The following TENM1 variants were observed in gnomAD, a reference collection of about 807,000 sequenced individuals.
TENM1 encodes teneurin-1.
TENM1 carries 35 observed loss-of-function variants against 174.8 expected under a neutral mutation model. The ratio of observed to expected loss-of-function variants is 0.20; its 90% CI spans 0.15 to 0.27. The LOEUF is 0.27. Ranked by LOEUF, TENM1 falls within the 10% of genes least tolerant of loss-of-function variation. The probability of loss-of-function intolerance (pLI) is 1.00; values close to 1 mark genes in which losing one functional copy is unlikely to be tolerated. For missense variants in TENM1, 1,633 were observed against 2,130.1 expected, an observed-to-expected ratio of 0.77 and a Z score of 4.59; for synonymous variants, 781 against 798.7, an observed-to-expected ratio of 0.98 and a Z score of 0.37.
At chrX:124,761,617 A>C (rs1471362021) in intron 3 of TENM1, among the ~76,000 whole-genome samples, 3 of 109,546 alleles carry the variant, frequency 2.7e-5, no homozygotes, top group South Asian at 4.1e-4. Flanking sequence ...GCGTGCAGCA[A>C]ACCAACATGG....
At chrX:124,487,944 G>T (rs2266903) in intron 20 of TENM1, among the ~76,000 whole-genome samples, 19,655 of 111,487 alleles carry the variant, frequency 0.18, 2,270 homozygotes, top group African/African-American at 0.42. Flanking sequence ...ATCCCTGACA[G>T]CAAAACTGCT....
At chrX:124,953,684 C>T (rs942096849) in intron 1 of TENM1, among the ~76,000 whole-genome samples, 23 of 111,788 alleles carry the variant, frequency 2.1e-4, no homozygotes, top group African/African-American at 6.8e-4. Context: ...AAACCAGTTG[C>T]TTTGTTTCCC....
At chrX:124,499,607 T>C (rs1457011878) in intron 19 of TENM1, among the ~76,000 whole-genome samples, 2 of 111,871 alleles carry the variant, frequency 1.8e-5, no homozygotes, top group African/African-American at 6.5e-5. Context: ...TCTTAAGATT[T>C]AGAATAGTTA....
chrX:125,095,089 C>T, the TENM1 span, among the ~76,000 whole-genome samples: 3 of 111,656 alleles, frequency 2.7e-5, no homozygotes, highest in Non-Finnish European at 5.6e-5. Flanking sequence ...ATAACTTATT[C>T]AAAGTGACTC....
chrX:124,801,994 CCTT>C (rs1398294290), intron 3 of TENM1, among the ~76,000 whole-genome samples: 1 of 111,551 alleles, frequency 9.0e-6, no homozygotes, highest in Non-Finnish European at 1.9e-5. Context: ...GGTGACCTGA[CCTT>C]CTTCTCTGGC....
intron 3 of TENM1, among the ~76,000 whole-genome samples, chrX:124,855,752 A>AT (rs1160352593): frequency 9.0e-6 from 1 of 111,679 alleles, no homozygotes; most frequent in East Asian, 2.8e-4. Context: ...TTTCCTGTCA[A>AT]TTGTACATCT....
chrX:124,404,213 T>C lies in TENM1; in HGVS notation c.5391+818A>G, dbSNP rs73546628. The stretch of plus-strand genomic sequence containing the variant: ...GTGACACAGGTGCTCAAAGCAGATC[T>C]GGCCTCAATAGTGAGTGATTATTTC... On this transcript the variant is annotated intron_variant, in intron 27 of 31. Transcript: ENST00000422452. 7.7e-3 allele frequency among the ~76,000 whole-genome samples: 868 copies of C among 112,034 alleles called. 11 individuals are homozygous for C. The highest frequency in any genetic ancestry group is 0.026 in the African/African-American group (813 of 30,835).
intron 1 of TENM1, among the ~76,000 whole-genome samples, chrX:124,928,871 C>T (rs1038391947): frequency 9.0e-6 from 1 of 111,680 alleles, no homozygotes; most frequent in East Asian, 2.8e-4. Context: ...CATCATCACA[C>T]GTCTCCCATT....
At chrX:125,115,351 T>C in the TENM1 span, among the ~76,000 whole-genome samples, 1 of 111,421 alleles carries the variant, frequency 9.0e-6, no homozygotes, top group Non-Finnish European at 1.9e-5. Flanking sequence ...CCCTCTCTCC[T>C]CACTCCTATT....
the TENM1 span, among the ~76,000 whole-genome samples, chrX:125,152,202 A>G: frequency 9.2e-6 from 1 of 108,637 alleles, no homozygotes; most frequent in Non-Finnish European, 1.9e-5. Flanking sequence ...TTGCAGTGAG[A>G]TTGCACCACT....
At position 124,660,236 on chromosome X, in the gene TENM1, G is replaced by A. The variant is rs553093113; in HGVS notation, c.1169-6453C>T. Among the ~76,000 whole-genome samples the A allele has an allele frequency of 1.1e-4, 12 of 110,001 alleles. No individual in the cohort carries two copies. In the South Asian group the frequency reaches 2.0e-3, roughly 18 times the overall value. On this transcript the variant is annotated intron_variant, in intron 6 of 31. Coordinates refer to ENST00000422452, the Ensembl canonical transcript of TENM1. ...AAAAAATAGAAAAAATTAGCCAGGCGTGGTGGCGGGTGCCTGTAGTCCCAG... is the reference window on the plus strand; with the variant it reads ...AAAAAATAGAAAAAATTAGCCAGGCATGGTGGCGGGTGCCTGTAGTCCCAG...
the TENM1 span, among the ~76,000 whole-genome samples, chrX:125,125,188 A>G: frequency 8.9e-6 from 1 of 111,985 alleles, no homozygotes; most frequent in Admixed American, 9.5e-5. Context: ...CAACAAATAT[A>G]CCACCTTAAA....
In TENM1 at chrX:124,713,424, A is replaced by G. The variant is rs747906508; in HGVS notation, c.777-8173T>C. On this transcript the variant is annotated intron_variant, in intron 4 of 31. Transcript: ENST00000422452. ...GCTGGGATTACAGGCATGTGGCACC[A>G]TGCCCGGCTAATTTTGTATTTTTGG... is the stretch of plus-strand genomic sequence containing the variant. Among the ~76,000 whole-genome samples, 15 of 111,036 alleles carry G rather than the reference A, an allele frequency of 1.4e-4. No homozygotes were observed. The Admixed American group carries it at 1.4e-3, about 11-fold the overall frequency.
At chrX:124,573,698 TCTACAAAATGAATTA>T (rs2148194067) in intron 11 of TENM1, among the ~76,000 whole-genome samples, 1 of 112,090 alleles carries the variant, frequency 8.9e-6, no homozygotes, top group Non-Finnish European at 1.9e-5. Context: ...GAGGGAATCC[TCTACAAAATGAATTA>T]CTACAAATGG....
At chrX:124,691,418 A>G (rs192594169) in intron 5 of TENM1, among the ~76,000 whole-genome samples, 284 of 112,449 alleles carry the variant, frequency 2.5e-3, no homozygotes, top group Middle Eastern at 0.023. Flanking sequence ...AGAGAAAAAC[A>G]AAAGAAAACT....
At chrX:124,644,101 G>T (rs753263383) in intron 10 of TENM1, among the ~76,000 whole-genome samples, 2 of 88,589 alleles carry the variant, frequency 2.3e-5, no homozygotes, top group African/African-American at 4.2e-5. Context: ...ATATATATAT[G>T]TATATGGCAG....
At chrX:124,904,473 C>A (rs2057714250) in intron 1 of TENM1, among the ~76,000 whole-genome samples, 1 of 112,167 alleles carries the variant, frequency 8.9e-6, no homozygotes, top group Non-Finnish European at 1.9e-5. Flanking sequence ...CCAATTCTGA[C>A]ACATTTGAGG....
At chrX:124,466,608 C>T (rs965108002) in intron 22 of TENM1, among the ~76,000 whole-genome samples, 3 of 111,671 alleles carry the variant, frequency 2.7e-5, no homozygotes, top group African/African-American at 9.8e-5. Context: ...GCCCAGCATT[C>T]GTAAGAAAAG....
At chrX:125,179,772 G>T in the TENM1 span, among the ~76,000 whole-genome samples, 3 of 109,977 alleles carry the variant, frequency 2.7e-5, no homozygotes, top group Non-Finnish European at 5.7e-5. Flanking sequence ...TCAAATGTAG[G>T]ATCCAGCAAT....
Sources: allele counts gnomAD v4.1 joint callset (sites outside exome capture counted in the v4.1 genomes callset), GRCh38; gene constraint gnomAD v4.1.1; transcripts MANE v1.5; gene names NCBI Gene and HGNC (gene_info 2026-07-23, HGNC 2026-07-21).